DNAH5: variants seen among roughly 807,000 people sequenced by gnomAD.
The protein encoded by DNAH5 is dynein axonemal heavy chain 5.
DNAH5 carries 372 observed loss-of-function variants against 518.2 expected under a neutral mutation model. The ratio of observed to expected loss-of-function variants is 0.72; its 90% CI spans 0.66 to 0.78. The LOEUF (loss-of-function observed/expected upper bound fraction) is 0.78. DNAH5 is among the 30% of genes least tolerant of loss of function. The pLI is 0.00. For synonymous variants in DNAH5, 2,039 were observed against 2,025.9 expected, an observed-to-expected ratio of 1.01 and a Z score of -0.17; for missense variants, 5,523 against 5,687.0, an observed-to-expected ratio of 0.97 and a Z score of 0.93.
chr5:13,778,598 G>GAA (rs70964506), intron 53 of DNAH5, among the ~76,000 whole-genome samples: 2,145 of 139,690 alleles, frequency 0.015, 28 homozygotes, highest in East Asian at 0.029. Flanking sequence ...AAGAAAGAAA[G>GAA]AGAGAGAGAA....
chr5:13,980,806 C>T (rs150362125), intron 1 of DNAH5, among the ~76,000 whole-genome samples: 19 of 152,318 alleles, frequency 1.2e-4, no homozygotes, highest in South Asian at 1.0e-3. Flanking sequence ...ACTCCAACTC[C>T]TACCACTTTT....
At chr5:13,919,149 A>G in intron 7 of DNAH5, 27 bp downstream of exon 7, 3 of 1,613,846 alleles carry the variant, frequency 1.9e-6, no homozygotes, top group Non-Finnish European at 2.5e-6. Context: ...TTCCCATTTC[A>G]CAAGGCAAAA....
In DNAH5 at chr5:13,900,901, C is replaced by A. The variant is rs1014214240; in HGVS notation, c.2052+351G>T. ...TTGTACAACAAAAGAAAATTTGAAA[C>A]TTTGTTTAACAGATGTGCTAGTGTT... On this transcript the variant is annotated intron_variant, in intron 14 of 78. Transcript: ENST00000265104. Among the ~76,000 whole-genome samples the A allele has an allele frequency of 2.0e-5, 3 of 152,240 alleles. No homozygotes were observed. In the East Asian group the frequency reaches 5.8e-4, roughly 29 times the overall value.
intron 76 of DNAH5, among the ~76,000 whole-genome samples, chr5:13,706,453 A>G (rs1742800927): frequency 1.3e-5 from 2 of 152,230 alleles, no homozygotes; most frequent in South Asian, 4.1e-4. Context: ...GCCATGGGGC[A>G]GATCCAGATT....
intron 1 of DNAH5, among the ~76,000 whole-genome samples, chr5:14,008,181 A>AG (rs1784861507): frequency 6.6e-6 from 1 of 151,352 alleles, no homozygotes; most frequent in African/African-American, 2.4e-5. Context: ...TAGAAAAAAA[A>AG]AAAAAGAAAG....
intron 30 of DNAH5, among the ~76,000 whole-genome samples, chr5:13,854,209 G>A (rs893634043): frequency 6.6e-6 from 1 of 152,118 alleles, no homozygotes; most frequent in African/African-American, 2.4e-5. Flanking sequence ...AGAGAGTGGG[G>A]GCCAATATTC....
intron 78 of DNAH5, among the ~76,000 whole-genome samples, chr5:13,696,026 C>A (rs1006283688): frequency 1.3e-5 from 2 of 152,112 alleles, no homozygotes; most frequent in Non-Finnish European, 2.9e-5. Context: ...GAGGTCTCTA[C>A]CCCTGGTCAC....
At chr5:13,901,702 T>C (rs1253383108) in intron 13 of DNAH5, 129 bp from the exon 14 acceptor site, 2 of 640,150 alleles carry the variant, frequency 3.1e-6, no homozygotes, top group Non-Finnish European at 5.0e-6. Flanking sequence ...GAATGAGATA[T>C]TTACATGGAA....
intron 65 of DNAH5, among the ~76,000 whole-genome samples, chr5:13,744,459 A>T (rs1273444830): frequency 6.6e-6 from 1 of 152,002 alleles, no homozygotes; most frequent in Non-Finnish European, 1.5e-5. Context: ...ATTATATTAT[A>T]TAATTTCAAA....
At position 13,865,769 on chromosome 5, in the gene DNAH5, C is replaced by T. The variant is rs548183364; in HGVS notation, c.4254G>A (p.Leu1418=). 7.5e-4 allele frequency: 1,212 copies of T among 1,610,804 alleles called. 20 individuals are homozygous for T. In the South Asian group the frequency reaches 0.013, roughly 17 times the overall value. The change falls in exon 27 of 79, where the codon CTG becomes CTA. Residue 1418 remains leucine (L), a synonymous_variant. Coordinates refer to ENST00000265104, the MANE Select transcript of DNAH5 (RefSeq NM_001369.3). ...TTACAGTTTCTATGACACTGTTGTA[C>T]AGAGTATATATTTTCTGTAGAAGAT... The part of the protein sequence containing the change: ...QLNLLQKIYT[L]YNSVIETVNS...
At chr5:13,824,902 A>G (rs1375726289) in intron 38 of DNAH5, among the ~76,000 whole-genome samples, 1 of 152,218 alleles carries the variant, frequency 6.6e-6, no homozygotes, top group East Asian at 1.9e-4. Flanking sequence ...CAAAAGCTCA[A>G]TTATGTCAAA....
At chr5:13,921,756 C>CCCACA (rs562419104) in intron 5 of DNAH5, among the ~76,000 whole-genome samples, 16 of 145,156 alleles carry the variant, frequency 1.1e-4, no homozygotes, top group African/African-American at 4.1e-4. Flanking sequence ...ACACACCCCC[C>CCCACA]CACACACACA....
intron 1 of DNAH5, among the ~76,000 whole-genome samples, chr5:13,943,053 T>C (rs774307125): frequency 2.0e-5 from 3 of 152,192 alleles, no homozygotes; most frequent in Non-Finnish European, 2.9e-5. Flanking sequence ...AAATATATAA[T>C]TGAAACCTCC....
chr5:13,890,956 A>T lies in DNAH5; in HGVS notation c.2577+20T>A. 1 of 1,613,856 alleles carries T rather than the reference A, an allele frequency of 6.2e-7. No individual in the cohort carries two copies. Among genetic ancestry groups the T allele is most frequent in the Non-Finnish European group, 8.5e-7 (1 of 1,179,902 alleles). ...GAATCACCAAAAACCTTAAACAAAA[A>T]AAATCAAGGTTTTAATGACCTTTGT... is the stretch of plus-strand genomic sequence containing the variant. On this transcript the variant is annotated intron_variant, in intron 17 of 78. Coordinates refer to ENST00000265104, the MANE Select transcript of DNAH5 (RefSeq NM_001369.3).
At chr5:13,801,139 A>C (rs990520472) in intron 47 of DNAH5, among the ~76,000 whole-genome samples, 5 of 152,094 alleles carry the variant, frequency 3.3e-5, no homozygotes, top group African/African-American at 1.2e-4. Context: ...TGTCATCCCC[A>C]ATGTTGGAGG....
chr5:13,941,051 T>A (rs898765478), intron 1 of DNAH5, among the ~76,000 whole-genome samples: 1 of 104,960 alleles, frequency 9.5e-6, no homozygotes, highest in Non-Finnish European at 2.0e-5. Flanking sequence ...TAGAGAGTGC[T>A]CAGTGGGCCT....
At chr5:13,738,410 A>G (rs1253352932) in intron 65 of DNAH5, among the ~76,000 whole-genome samples, 3 of 152,202 alleles carry the variant, frequency 2.0e-5, no homozygotes, top group Admixed American at 1.3e-4. Flanking sequence ...CAAGTCTGTG[A>G]AAAACTACTC....
At chr5:13,913,516 G>A (rs1776272587) in intron 11 of DNAH5, among the ~76,000 whole-genome samples, 1 of 151,958 alleles carries the variant, frequency 6.6e-6, no homozygotes, top group Non-Finnish European at 1.5e-5. Flanking sequence ...ATTAATTTTA[G>A]ACTATTGGAA....
At chr5:13,928,444 A>G (rs1361664069) in intron 2 of DNAH5, among the ~76,000 whole-genome samples, 6 of 152,242 alleles carry the variant, frequency 3.9e-5, no homozygotes, top group South Asian at 2.1e-4. Flanking sequence ...TTGTCCATCT[A>G]TATTTGCAAA....
Sources: gnomAD v4.1 joint callset for allele counts (sites outside exome capture counted in the v4.1 genomes callset) on GRCh38, gnomAD v4.1.1 for gene constraint, MANE v1.5 for transcripts, NCBI Gene and HGNC (gene_info 2026-07-23, HGNC 2026-07-21) for gene names.